Variants in MAGI1 observed in about 807,000 individuals in gnomAD.
The protein encoded by MAGI1 is membrane associated guanylate kinase, WW and PDZ domain containing 1, also known as membrane-associated guanylate kinase, WW and PDZ domain-containing protein 1.
A neutral mutation model predicts 139.9 loss-of-function variants in MAGI1; 58 were observed. The ratio of observed to expected loss-of-function variants is 0.41; its 90% CI spans 0.34 to 0.52. MAGI1 has a LOEUF of 0.52. MAGI1 is among the 20% of genes least tolerant of loss of function. MAGI1 has a pLI of 0.12. For missense variants in MAGI1, 1,874 were observed against 1,901.6 expected (o/e 0.99, Z 0.27); for synonymous variants, 812 against 737.9 (o/e 1.10, Z -1.63).
In MAGI1 at chr3:65,839,789, G is replaced by C. The variant is rs987525378; in HGVS notation, c.313+198207C>G. 8.5e-5 allele frequency among the ~76,000 whole-genome samples: 13 copies of C among 152,206 alleles called. 1 individual carries two copies. Among genetic ancestry groups the C allele is most frequent in the Middle Eastern group, 3.4e-3 (1 of 294 alleles). Reference sequence around the variant, plus strand: ...AATTCAAGACTTTTGCTACACAGAAGACCTGTGAAGATGAAAAAATAAGTT... The same window carrying C: ...AATTCAAGACTTTTGCTACACAGAACACCTGTGAAGATGAAAAAATAAGTT... On this transcript the variant is annotated intron_variant, in intron 1 of 22. Transcript: ENST00000402939.
At chr3:65,522,006 A>G (rs565811047) in intron 2 of MAGI1, among the ~76,000 whole-genome samples, 21 of 152,216 alleles carry the variant, frequency 1.4e-4, no homozygotes, top group Admixed American at 3.9e-4. Flanking sequence ...ACAGAAAAGT[A>G]GCAATACAGA....
intron 1 of MAGI1, among the ~76,000 whole-genome samples, chr3:65,728,972 G>C (rs893616480): frequency 2.0e-5 from 3 of 151,972 alleles, no homozygotes; most frequent in African/African-American, 7.3e-5. Flanking sequence ...GATTAAATAG[G>C]AATGACATGC....
At chr3:65,888,415 G>A (rs1488005903) in intron 1 of MAGI1, among the ~76,000 whole-genome samples, 2 of 152,196 alleles carry the variant, frequency 1.3e-5, no homozygotes, top group African/African-American at 4.8e-5. Flanking sequence ...AAGTATTCAA[G>A]AGGCCCATTA....
At chr3:65,753,554 T>A (rs2107835475) in intron 1 of MAGI1, among the ~76,000 whole-genome samples, 1 of 152,028 alleles carries the variant, frequency 6.6e-6, no homozygotes, top group Admixed American at 6.5e-5. Context: ...AAACCCCATC[T>A]CTACTAAAAA....
At chr3:65,631,194 T>C (rs191622061) in intron 1 of MAGI1, among the ~76,000 whole-genome samples, 22 of 152,264 alleles carry the variant, frequency 1.4e-4, no homozygotes, top group Admixed American at 1.2e-3. Context: ...CTGATACAGT[T>C]TGGTGACATG....
intron 1 of MAGI1, among the ~76,000 whole-genome samples, chr3:66,030,449 T>C (rs1270750172): frequency 2.0e-5 from 3 of 152,190 alleles, no homozygotes; most frequent in Admixed American, 1.3e-4. Context: ...CAAGACAACA[T>C]TCCTGCCATC....
chr3:65,642,262 G>A (rs1258886302), intron 1 of MAGI1, among the ~76,000 whole-genome samples: 1 of 152,130 alleles, frequency 6.6e-6, no homozygotes, highest in East Asian at 1.9e-4. Context: ...TCAAGCACCA[G>A]CACCAATGAA....
rs188565489 is a variant in MAGI1 at position 65,885,587 on chromosome 3, G to A, written c.313+152409C>T. Among the ~76,000 whole-genome samples the A allele has an allele frequency of 3.3e-3, 495 of 152,076 alleles. 2 individuals carry two copies. The highest frequency in any genetic ancestry group is 0.011 in the African/African-American group (471 of 41,474). ...ACCCAGTGGGAGGTACCTTAATCAT[G>A]GGGGTGGGTTTTACCCATGCTATTC... On this transcript the variant is annotated intron_variant, in intron 1 of 22. Transcript: ENST00000402939.
chr3:65,473,915 G>T lies in MAGI1; in HGVS notation c.758-3431C>A, dbSNP rs1351666252. ...GAGCTGCTGGCACAGACACACGGCA[G>T]ACTCAAGAATTCACAGCCTTAGTCA... On this transcript the variant is annotated intron_variant, in intron 4 of 22. Transcript: ENST00000402939. Among the ~76,000 whole-genome samples, 3 of 151,304 alleles carry T rather than the reference G, an allele frequency of 2.0e-5. No homozygotes were observed. The East Asian group carries it at 5.8e-4, about 29-fold the overall frequency.
intron 1 of MAGI1, among the ~76,000 whole-genome samples, chr3:65,987,242 G>C: frequency 6.6e-6 from 1 of 152,174 alleles, no homozygotes; most frequent in Non-Finnish European, 1.5e-5. Flanking sequence ...GACTTTGGGA[G>C]GGAAGAGCTT....
chr3:65,834,589 A>C (rs1392480887), intron 1 of MAGI1, among the ~76,000 whole-genome samples: 5 of 152,240 alleles, frequency 3.3e-5, no homozygotes, highest in African/African-American at 1.2e-4. Context: ...TGCCAATTAG[A>C]TTCAGTTAGC....
intron 1 of MAGI1, among the ~76,000 whole-genome samples, chr3:65,674,046 C>T (rs577129488): frequency 2.7e-4 from 41 of 152,254 alleles, no homozygotes; most frequent in African/African-American, 9.6e-4. Flanking sequence ...CAGGACCAGC[C>T]TGGGGAACAC....
At chr3:65,950,078 C>CAAAAAAAAAAA (rs751496271) in intron 1 of MAGI1, among the ~76,000 whole-genome samples, 2 of 40,340 alleles carry the variant, frequency 5.0e-5, no homozygotes, top group African/African-American at 3.3e-4. Context: ...AAAAAAAAAA[C>CAAAAAAAAAAA]AAAAAAAAAA....
chr3:65,443,165 C>T (rs554938305), intron 7 of MAGI1, among the ~76,000 whole-genome samples: 12 of 152,170 alleles, frequency 7.9e-5, no homozygotes, highest in African/African-American at 2.9e-4. Flanking sequence ...ATGCCTAGTT[C>T]CTATCTTAAA....
At chr3:65,640,041 T>TG (rs1206567137) in intron 1 of MAGI1, among the ~76,000 whole-genome samples, 2 of 133,846 alleles carry the variant, frequency 1.5e-5, no homozygotes, top group African/African-American at 8.0e-5. Context: ...TGGGAATCAG[T>TG]TTTTCCTGTG....
chr3:65,656,979 C>CAAAAAAAAAAAA (rs58817001), intron 1 of MAGI1, among the ~76,000 whole-genome samples: 1 of 73,958 alleles, frequency 1.4e-5, no homozygotes, highest in African/African-American at 5.5e-5. Flanking sequence ...GACACCATCT[C>CAAAAAAAAAAAA]AAAAAAAAAA....
At chr3:65,761,243 C>G (rs1416718640) in intron 1 of MAGI1, among the ~76,000 whole-genome samples, 10 of 152,118 alleles carry the variant, frequency 6.6e-5, no homozygotes, top group Non-Finnish European at 1.5e-5. Context: ...GACATCCCAA[C>G]TTAACATCCA....
intron 1 of MAGI1, among the ~76,000 whole-genome samples, chr3:65,950,094 CAAA>C (rs869135888): frequency 2.1e-5 from 1 of 47,814 alleles, no homozygotes; most frequent in African/African-American, 1.1e-4. Context: ...AAAAAACAAA[CAAA>C]AAAAAAAAAC....
intron 1 of MAGI1, among the ~76,000 whole-genome samples, chr3:65,794,955 G>A (rs879604351): frequency 6.6e-6 from 1 of 151,804 alleles, no homozygotes; most frequent in Non-Finnish European, 1.5e-5. Context: ...ATGAAAAGAT[G>A]TGTGCAACAT....
Sources: allele counts gnomAD v4.1 joint callset (sites outside exome capture counted in the v4.1 genomes callset), GRCh38; gene constraint gnomAD v4.1.1; transcripts MANE v1.5; gene names NCBI Gene and HGNC (gene_info 2026-07-23, HGNC 2026-07-21).